CCR6: variants seen among roughly 807,000 people sequenced by gnomAD.
CCR6 encodes C-C chemokine receptor type 6.
Under a neutral mutation model 3.0 loss-of-function variants are expected in CCR6, and 2 were observed. That is an observed-to-expected ratio of 0.66 (90% CI 0.27 to 2.07). The LOEUF is 2.07. CCR6 is among the 30% of genes most tolerant of loss of function. The pLI, the probability that CCR6 is intolerant of heterozygous loss-of-function variation, is 0.14. For synonymous variants in CCR6, 193 were observed against 184.3 expected (o/e 1.05, Z -0.38); for missense variants, 322 against 462.8 (o/e 0.70, Z 2.79).
At position 167,133,769 on chromosome 6, in the gene CCR6, T is replaced by C. The variant is rs191922265; in HGVS notation, c.-97-2269T>C. Among the ~76,000 whole-genome samples, 843 of 151,788 alleles carry C rather than the reference T, an allele frequency of 5.6e-3. 7 individuals carry two copies. Among genetic ancestry groups the C allele is most frequent in the Admixed American group, 9.1e-3 (139 of 15,254 alleles). ...TCATTGAAAATTGAACATGATAAAT[T>C]TCTCCATTAATTTAGGTCTTATTTA... On this transcript the variant is annotated intron_variant, in intron 1 of 2. Transcript: ENST00000341935.
intron 1 of CCR6, among the ~76,000 whole-genome samples, chr6:167,129,804 A>G (rs1781724831): frequency 6.6e-6 from 1 of 151,644 alleles, no homozygotes; most frequent in Non-Finnish European, 1.5e-5. Context: ...GGGTCCTGTG[A>G]GAGGCTAACA....
Position 167,133,295 on chromosome 6 carries a change from G to A in CCR6, c.-97-2743G>A, listed in dbSNP as rs529752714. 5.9e-5 allele frequency among the ~76,000 whole-genome samples: 9 copies of A among 152,290 alleles called. No individual in the cohort carries two copies. In the South Asian group the frequency reaches 1.9e-3, roughly 32 times the overall value. The stretch of plus-strand genomic sequence containing the variant: ...TCATTTGAGTTACCTTTTGCAAATG[G>A]TGTGAGGTAAGCAGTAAGGATCGAC... On this transcript the variant is annotated intron_variant, in intron 1 of 2. Transcript: ENST00000341935.
intron 1 of CCR6, among the ~76,000 whole-genome samples, chr6:167,127,984 G>A (rs1344726571): frequency 6.6e-6 from 1 of 152,220 alleles, no homozygotes; most frequent in Non-Finnish European, 1.5e-5. Flanking sequence ...TAGCTTCTCA[G>A]GGCAACCACA....
chr6:167,137,354 G>A lies in CCR6; in HGVS notation c.1124G>A (p.Ter375=). ...GACAATGCGTCGTCCTTCACTATGT[G>A]ATAGAAAGCTGAGTCTCCCTAAGGC... is the stretch of plus-strand genomic sequence containing the variant. ...DNDNASSFTM[*] Residue 375 remains the stop codon, a stop_retained_variant, in exon 3 of 3, where the codon TGA becomes TAA. Coordinates refer to ENST00000341935, the MANE Select transcript of CCR6 (RefSeq NM_031409.4). This position sits in a 1 kb window ranked among gnomAD's most constrained non-coding sequence, Gnocchi z 4.6. 6.2e-7 allele frequency: 1 copy of A among 1,606,566 alleles called. No individual in the cohort carries two copies. Among genetic ancestry groups the A allele is most frequent in the Non-Finnish European group, 8.5e-7 (1 of 1,177,522 alleles).
intron 1 of CCR6, among the ~76,000 whole-genome samples, chr6:167,114,057 G>A (rs538516154): frequency 1.3e-5 from 2 of 152,228 alleles, no homozygotes; most frequent in African/African-American, 2.4e-5. Context: ...TGACAGACAC[G>A]GCTCTGGGCT....
At chr6:167,131,815 A>G (rs1405633412) in intron 1 of CCR6, among the ~76,000 whole-genome samples, 2 of 152,204 alleles carry the variant, frequency 1.3e-5, no homozygotes, top group South Asian at 4.1e-4. Flanking sequence ...AAGAGTACGC[A>G]GGTACTTTTA....
chr6:167,124,812 C>T (rs1485692805), intron 1 of CCR6, among the ~76,000 whole-genome samples: 1 of 151,970 alleles, frequency 6.6e-6, no homozygotes, highest in East Asian at 1.9e-4. Context: ...CACACACACA[C>T]ACACATATGC....
upstream of CCR6, among the ~76,000 whole-genome samples, chr6:167,120,582 G>A (rs998007954): frequency 6.6e-6 from 1 of 152,174 alleles, no homozygotes; most frequent in Non-Finnish European, 1.5e-5. Flanking sequence ...ATTGTAGCCA[G>A]AGGCAGATGG....
In CCR6 at chr6:167,136,020, G is replaced by A. The variant is rs1781844413; in HGVS notation, c.-97-18G>A. 3 of 1,143,912 alleles carry A rather than the reference G, an allele frequency of 2.6e-6. No homozygotes were observed. Among genetic ancestry groups the A allele is most frequent in the Non-Finnish European group, 3.8e-6 (3 of 789,056 alleles). 70.9% of individuals were successfully genotyped at this position (1,143,912 alleles called of 1,614,324 possible). A position where few individuals can be genotyped will look rare whatever the true frequency, so the allele number is the denominator to read the frequency against. On this transcript the variant is annotated intron_variant, in intron 1 of 2. Transcript: ENST00000341935. The surrounding 1 kb of genome is among the most constrained non-coding windows in gnomAD (Gnocchi z 4.6). The stretch of plus-strand genomic sequence containing the variant: ...ACCTGTGTTAACTGTAGTGCATTTT[G>A]CCTTCTTTCCTTCTTAGAGTCACCT...
At chr6:167,133,664 G>A (rs547139805) in intron 1 of CCR6, among the ~76,000 whole-genome samples, 1 of 150,602 alleles carries the variant, frequency 6.6e-6, no homozygotes, top group African/African-American at 2.4e-5. Flanking sequence ...TTTTGATTTA[G>A]TTTATGTTGT....
At chr6:167,133,510 G>A (rs1781800638) in intron 1 of CCR6, among the ~76,000 whole-genome samples, 1 of 151,742 alleles carries the variant, frequency 6.6e-6, no homozygotes, top group African/African-American at 2.4e-5. Flanking sequence ...GTAGTTCCTT[G>A]TCAGCTCTGA....
intron 1 of CCR6, among the ~76,000 whole-genome samples, chr6:167,132,928 C>T (rs1781793412): frequency 6.6e-6 from 1 of 152,136 alleles, no homozygotes; most frequent in Non-Finnish European, 1.5e-5. Context: ...ATGTATTTTC[C>T]TTGGTGAATT....
At chr6:167,124,311 C>T (rs1185361236) in intron 1 of CCR6, among the ~76,000 whole-genome samples, 4 of 148,996 alleles carry the variant, frequency 2.7e-5, no homozygotes, top group Non-Finnish European at 5.9e-5. Context: ...AACAAATCAC[C>T]GGGGGAAAAC....
intron 1 of CCR6, among the ~76,000 whole-genome samples, chr6:167,134,416 CA>C (rs891013979): frequency 6.6e-6 from 1 of 152,226 alleles, no homozygotes; most frequent in Non-Finnish European, 1.5e-5. Flanking sequence ...TACCTTCCTC[CA>C]GCTTTTTAGG....
intron 1 of CCR6, among the ~76,000 whole-genome samples, chr6:167,133,575 G>T: frequency 6.6e-6 from 1 of 150,496 alleles, no homozygotes; most frequent in African/African-American, 2.4e-5. Context: ...AATTGTTTTG[G>T]CTATTTTAAT....
upstream of CCR6, among the ~76,000 whole-genome samples, chr6:167,120,688 A>C (rs948238755): frequency 1.7e-4 from 26 of 152,150 alleles, no homozygotes; most frequent in African/African-American, 5.6e-4. Flanking sequence ...TTAGGAATGA[A>C]CTTCTGATGT....
chr6:167,114,022 G>A (rs1013301426), intron 1 of CCR6, among the ~76,000 whole-genome samples: 1 of 152,246 alleles, frequency 6.6e-6, no homozygotes, highest in East Asian at 1.9e-4. Flanking sequence ...TTAGGGCAGG[G>A]TGGGTGGACC....
intron 1 of CCR6, among the ~76,000 whole-genome samples, chr6:167,129,191 C>G (rs1485315589): frequency 6.6e-6 from 1 of 152,216 alleles, no homozygotes; most frequent in Non-Finnish European, 1.5e-5. Context: ...AGCAAGCCAC[C>G]TAATTGTACT....
At chr6:167,122,529 G>T (rs978698808), upstream of CCR6, among the ~76,000 whole-genome samples, 1 of 152,172 alleles carries the variant, frequency 6.6e-6, no homozygotes, top group African/African-American at 2.4e-5. The surrounding 1 kb of genome is among the most constrained non-coding windows in gnomAD (Gnocchi z 4.2). Context: ...TAATAGCTGA[G>T]ATGCATGGAG....
Sources: gnomAD v4.1 joint callset for allele counts (sites outside exome capture counted in the v4.1 genomes callset) on GRCh38, gnomAD v4.1.1 for gene constraint, Gnocchi (gnomAD v3.1) non-coding constraint, MANE v1.5 for transcripts, NCBI Gene and HGNC (gene_info 2026-07-23, HGNC 2026-07-21) for gene names.